The following USH2A variants were observed in gnomAD, a reference collection of about 807,000 sequenced individuals.
The protein encoded by USH2A is Usher syndrome 2A (autosomal recessive, mild).
Under a neutral mutation model 538.9 loss-of-function variants are expected in USH2A, and 443 were observed. The observed-to-expected ratio is 0.82, with a 90% confidence interval of 0.76 to 0.89. The LOEUF is 0.89. USH2A is among the 40% of genes least tolerant of loss of function. The pLI, the probability that USH2A is intolerant of heterozygous loss-of-function variation, is 0.00. For synonymous variants in USH2A, 2,413 were observed against 2,273.5 expected (o/e 1.06, Z -1.75); for missense variants, 6,633 against 6,324.8 (o/e 1.05, Z -1.65).
intron 55 of USH2A, among the ~76,000 whole-genome samples, chr1:215,768,009 C>A (rs954053857): frequency 6.6e-6 from 1 of 152,210 alleles, no homozygotes; most frequent in Admixed American, 6.5e-5. Flanking sequence ...TATTTTTTCA[C>A]GTATTTTGAG....
intron 37 of USH2A, among the ~76,000 whole-genome samples, chr1:215,950,164 T>A (rs1666877377): frequency 6.6e-6 from 1 of 152,164 alleles, no homozygotes; most frequent in Non-Finnish European, 1.5e-5. Flanking sequence ...CCTTTGTTGT[T>A]ATACATATTA....
intron 20 of USH2A, among the ~76,000 whole-genome samples, chr1:216,184,908 G>T (rs1175486812): frequency 6.6e-6 from 1 of 151,898 alleles, no homozygotes; most frequent in Non-Finnish European, 1.5e-5. Context: ...TGCGAGATGG[G>T]CACTTCTAAG....
chr1:215,883,456 C>CT (rs1478872103), intron 41 of USH2A, among the ~76,000 whole-genome samples: 7 of 150,844 alleles, frequency 4.6e-5, no homozygotes, highest in African/African-American at 1.2e-4. Flanking sequence ...TACTGAGTTT[C>CT]TTTTTTTCTT....
chr1:215,890,957 T>G (rs1665193940), intron 40 of USH2A, among the ~76,000 whole-genome samples: 1 of 152,178 alleles, frequency 6.6e-6, no homozygotes. Flanking sequence ...CAGAATATTT[T>G]TTATTAGGGT....
rs149913532 is a variant in USH2A at position 216,242,742 on chromosome 1, CTAAA to C, written c.2809+3839_2809+3842del. Among the ~76,000 whole-genome samples, 1,021 of 152,208 alleles carry C rather than the reference CTAAA, an allele frequency of 6.7e-3. 9 individuals are homozygous for C. The highest frequency in any genetic ancestry group is 9.5e-3 in the Non-Finnish European group (643 of 68,000). ...GAAACTAAACACTGATATAAAAGTG[CTAAA>C]TAAATAGTCTATTTGGTAACCTCGA... On this transcript the variant is annotated intron_variant, in intron 13 of 71. Transcript: ENST00000307340.
At position 215,640,566 on chromosome 1, in the gene USH2A, G is replaced by T. The variant is rs111033498; in HGVS notation, c.14960C>A (p.Ala4987Glu). 1 of 1,613,606 alleles carries T rather than the reference G, an allele frequency of 6.2e-7. No homozygotes were observed. Among genetic ancestry groups the T allele is most frequent in the Non-Finnish European group, 8.5e-7 (1 of 1,179,966 alleles). ...LDTTLYIPRT[A>E]DKTFFFQVIC... ...AGGAGTCAGAAACTAACTTTTGTCC[G>T]CCGTTCTCGGTATGTAGAGGGTGGT... The change falls in exon 68 of 72, where the codon GCG becomes GAG. Residue 4987 changes from alanine to glutamate, a missense_variant. By Grantham distance (107) the Ala-to-Glu change is moderately radical (BLOSUM62 -1). Coordinates refer to ENST00000307340, the MANE Select transcript of USH2A (RefSeq NM_206933.4).
At chr1:215,691,509 T>C (rs1558056238) in intron 61 of USH2A, among the ~76,000 whole-genome samples, 1 of 152,178 alleles carries the variant, frequency 6.6e-6, no homozygotes, top group Non-Finnish European at 1.5e-5. Flanking sequence ...ATGAGTAACT[T>C]CAGCTCATCT....
chr1:215,756,313 A>T (rs762480804), intron 58 of USH2A, among the ~76,000 whole-genome samples: 2 of 152,192 alleles, frequency 1.3e-5, no homozygotes, highest in East Asian at 3.9e-4. Flanking sequence ...TAAAATAAAG[A>T]TATTTTCAAA....
chr1:216,110,763 G>A (rs1036242523), intron 21 of USH2A, among the ~76,000 whole-genome samples: 2 of 152,192 alleles, frequency 1.3e-5, no homozygotes, highest in Admixed American at 6.5e-5. Context: ...GGTTAAGCAG[G>A]ACTGTGAAGA....
At chr1:216,085,621 T>A (rs1263414897) in intron 24 of USH2A, among the ~76,000 whole-genome samples, 2 of 152,086 alleles carry the variant, frequency 1.3e-5, no homozygotes, top group African/African-American at 4.8e-5. Context: ...AATGGAGATG[T>A]GTCCTCTACA....
At chr1:215,722,847 G>C (rs1439103847) in intron 61 of USH2A, among the ~76,000 whole-genome samples, 1 of 152,200 alleles carries the variant, frequency 6.6e-6, no homozygotes, top group African/African-American at 2.4e-5. Flanking sequence ...TTAGGGCACA[G>C]ATAATAGGTA....
intron 4 of USH2A, among the ~76,000 whole-genome samples, chr1:216,355,359 GAAAGAAA>G: frequency 6.7e-6 from 1 of 149,458 alleles, no homozygotes; most frequent in Non-Finnish European, 1.5e-5. Flanking sequence ...AAGAAAGAAA[GAAAGAAA>G]GAAAGAAAGA....
chr1:215,670,824 A>G, intron 64 of USH2A, 148 bp downstream of exon 64: 1 of 787,880 alleles, frequency 1.3e-6, no homozygotes, highest in Non-Finnish European at 2.0e-6. Context: ...TTCCTCATTT[A>G]CCACTTAAAA....
At position 216,048,634 on chromosome 1, in the gene USH2A, G is replaced by A; in HGVS notation, c.6063C>T (p.Gly2021=). ...NTSNLTGILT[G]LLPFKNYAVT... ...CTGCATAGTTTTTGAAGGGTAGCAA[G>A]CCTGTCAATATGCCTATAATAAAAA... The change falls in exon 31 of 72, where the codon GGC becomes GGT. Residue 2021 remains glycine (G), a synonymous_variant. Coordinates refer to ENST00000307340, the MANE Select transcript of USH2A (RefSeq NM_206933.4). 6.2e-7 allele frequency: 1 copy of A among 1,614,062 alleles called. No individual in the cohort carries two copies. The highest frequency in any genetic ancestry group is 8.5e-7 in the Non-Finnish European group (1 of 1,179,950).
intron 30 of USH2A, among the ~76,000 whole-genome samples, chr1:216,061,067 T>C (rs895892433): frequency 1.3e-5 from 2 of 152,182 alleles, no homozygotes; most frequent in African/African-American, 4.8e-5. Flanking sequence ...CTCTGAACCT[T>C]GGCCTTGGGA....
chr1:215,799,212 A>C, intron 49 of USH2A, 87 bp from the exon 50 acceptor site: 1 of 1,371,644 alleles, frequency 7.3e-7, no homozygotes, highest in South Asian at 1.2e-5. Flanking sequence ...ATCATCTTGC[A>C]GATCCCAACT....
chr1:216,177,195 T>C (rs1269164968), intron 20 of USH2A, among the ~76,000 whole-genome samples: 1 of 152,172 alleles, frequency 6.6e-6, no homozygotes, highest in Non-Finnish European at 1.5e-5. Flanking sequence ...GAATGAGCAT[T>C]CCTTCTACTG....
chr1:215,858,659 G>A (rs1239281518), intron 44 of USH2A, among the ~76,000 whole-genome samples: 1 of 151,442 alleles, frequency 6.6e-6, no homozygotes, highest in Non-Finnish European at 1.5e-5. Flanking sequence ...CAATCTCAGT[G>A]AGCTGAAAAA....
chr1:215,838,192 A>G (rs1663583877), intron 46 of USH2A, 89 bp from the exon 47 acceptor site: 4 of 1,045,866 alleles, frequency 3.8e-6, no homozygotes, highest in South Asian at 3.8e-5. Flanking sequence ...CTCATTTCAC[A>G]TGAATCTCTT....
Sources: allele counts gnomAD v4.1 joint callset (sites outside exome capture counted in the v4.1 genomes callset), GRCh38; gene constraint gnomAD v4.1.1; transcripts MANE v1.5; gene names NCBI Gene and HGNC (gene_info 2026-07-23, HGNC 2026-07-21).